TM4SF18: variants seen among roughly 807,000 people sequenced by gnomAD.
The protein encoded by TM4SF18 is transmembrane 4 L six family member 18, also known as transmembrane 4 L6 family member 18.
In TM4SF18, 22 loss-of-function variants were observed where a neutral mutation model predicts 23.8. The observed-to-expected ratio is 0.92, with a 90% CI of 0.66 to 1.32. TM4SF18 has a LOEUF of 1.32. Among genes scored for constraint, TM4SF18 ranks in the 40% most tolerant of loss-of-function variants. The pLI is 0.00. For missense variants in TM4SF18, 255 were observed against 240.3 expected (o/e 1.06, Z -0.41); for synonymous variants, 87 against 87.9 (o/e 0.99, Z 0.06).
At position 149,319,776 on chromosome 3, in the gene TM4SF18, C is replaced by T. The variant is rs2108357896; in HGVS notation, c.*1702G>A. ...CTGAATGTTGGCTTCCTTCTTCATC[C>T]TTTAATCATTTTTTGATGGTAATGG... On this transcript the variant is annotated 3_prime_UTR_variant, in exon 6 of 6. Transcript: ENST00000296059. The T allele has an allele frequency of 6.6e-6, 1 of 152,310 alleles. No homozygotes were observed. Among genetic ancestry groups the T allele is most frequent in the African/African-American group, 2.4e-5 (1 of 41,574 alleles). 9.4% of individuals were successfully genotyped at this position (152,310 alleles called of 1,614,324 possible). A position where few individuals can be genotyped will look rare whatever the true frequency, so the allele number is the denominator to read the frequency against.
At chr3:149,331,110 T>C (rs539079169) in intron 2 of TM4SF18, among the ~76,000 whole-genome samples, 15 of 152,324 alleles carry the variant, frequency 9.8e-5, no homozygotes, top group Admixed American at 9.8e-4. Flanking sequence ...TTAGACTAGA[T>C]ACAGATCATG....
chr3:149,323,121 A>C (rs916292480), intron 4 of TM4SF18, among the ~76,000 whole-genome samples: 4 of 151,938 alleles, frequency 2.6e-5, no homozygotes, highest in Admixed American at 2.0e-4. Context: ...GATGGTCTCG[A>C]TCTCCTGACC....
chr3:149,333,482 CT>C (rs1553772228), intron 1 of TM4SF18, 30 bp downstream of exon 1: 5,285 of 236,706 alleles, frequency 0.022, no homozygotes, highest in South Asian at 0.035. Flanking sequence ...CTCTCTCTCT[CT>C]TTTTTTTTTT....
rs373136081 is a variant in TM4SF18, at chr3:149,331,178, C to A, written c.178-759G>T. Among the ~76,000 whole-genome samples the A allele has an allele frequency of 5.9e-5, 9 of 152,250 alleles. No homozygotes were observed. In the South Asian group the frequency reaches 1.4e-3, roughly 25 times the overall value. Reference sequence around the variant, plus strand: ...TTACTCTCACTATTTAGGACTGAATCCCACAGCTGAGTTCACTGTTATTTT... The same window carrying A: ...TTACTCTCACTATTTAGGACTGAATACCACAGCTGAGTTCACTGTTATTTT... On this transcript the variant is annotated intron_variant, in intron 2 of 5. Transcript: ENST00000296059.
At chr3:149,327,354 GAAGT>G (rs1223581687) in intron 3 of TM4SF18, among the ~76,000 whole-genome samples, 1 of 152,118 alleles carries the variant, frequency 6.6e-6, no homozygotes, top group Non-Finnish European at 1.5e-5. Context: ...ACACAAGCTG[GAAGT>G]AAGAGACCTC....
intron 2 of TM4SF18, among the ~76,000 whole-genome samples, chr3:149,331,782 T>C (rs559541692): frequency 1.2e-3 from 188 of 152,210 alleles, no homozygotes; most frequent in Non-Finnish European, 2.4e-3. Flanking sequence ...CATATGTCTA[T>C]TTGACACAGC....
chr3:149,325,129 T>C lies in TM4SF18; in HGVS notation c.268-107A>G. The C allele has an allele frequency of 9.5e-6, 10 of 1,058,198 alleles. No homozygotes were observed. In the South Asian group the frequency reaches 1.6e-4, roughly 17 times the overall value. The allele number at this position is 1,058,198 out of a possible 1,614,324, so 65.6% of individuals were successfully genotyped here. ...CCCCTATTCACCCAAGCTCATGCAG[T>C]CTATACAATACTAAATGCCCACATA... is the stretch of plus-strand genomic sequence containing the variant. On this transcript the variant is annotated intron_variant, in intron 3 of 5. Coordinates refer to ENST00000296059, the MANE Select transcript of TM4SF18 (RefSeq NM_138786.4).
At chr3:149,324,691 GA>G in intron 4 of TM4SF18, 188 bp downstream of exon 4, 1 of 684,248 alleles carries the variant, frequency 1.5e-6, no homozygotes, top group Non-Finnish European at 2.4e-6. Context: ...AAAGACTGAA[GA>G]AAAAAATCTA....
At chr3:149,322,005 C>T (rs993749619) in intron 5 of TM4SF18, among the ~76,000 whole-genome samples, 1 of 152,164 alleles carries the variant, frequency 6.6e-6, no homozygotes, top group Admixed American at 6.5e-5. Flanking sequence ...TCATTCAAAA[C>T]ACTTATGAAG....
chr3:149,325,301 C>T (rs1351470052), intron 3 of TM4SF18, among the ~76,000 whole-genome samples: 1 of 152,084 alleles, frequency 6.6e-6, no homozygotes, highest in Non-Finnish European at 1.5e-5. Context: ...ATAATGATCT[C>T]CTCTTATGAA....
At position 149,330,358 on chromosome 3, in the gene TM4SF18, T is replaced by C; in HGVS notation, c.239A>G (p.Gln80Arg). Residue 80 changes from glutamine to arginine, a missense_variant, in exon 3 of 6, where the codon CAG (glutamine) becomes CGG (arginine). Gln to Arg is a conservative substitution (Grantham distance 43). Coordinates refer to ENST00000296059, the MANE Select transcript of TM4SF18 (RefSeq NM_138786.4). ...ATATTTTTTGCTGCAGTTTTCACTC[T>C]GGCAACATTTATAGTTGTTATTATT... ...LENNNNYKCC[Q>R]SENCSKKYVT... 2 of 1,612,932 alleles carry C rather than the reference T, an allele frequency of 1.2e-6. No individual in the cohort carries two copies. Among genetic ancestry groups the C allele is most frequent in the Non-Finnish European group, 1.7e-6 (2 of 1,179,226 alleles).
intron 2 of TM4SF18, among the ~76,000 whole-genome samples, chr3:149,332,104 C>T (rs1731098576): frequency 6.6e-6 from 1 of 152,166 alleles, no homozygotes. Flanking sequence ...ATATATTATA[C>T]CAAACTCTTC....
chr3:149,333,357 C>T lies in TM4SF18; in HGVS notation c.26G>A (p.Cys9Tyr). The T allele has an allele frequency of 1.9e-6, 3 of 1,612,826 alleles. No homozygotes were observed. The highest frequency in any genetic ancestry group is 1.1e-5 in the South Asian group (1 of 90,772). Residue 9 changes from cysteine to tyrosine, a missense_variant, in exon 2 of 6, where the codon TGC becomes TAC. Cys to Tyr is a radical substitution (Grantham distance 194). Coordinates refer to ENST00000296059, the MANE Select transcript of TM4SF18 (RefSeq NM_138786.4). ...AAGCGGAATCAGCAAACAACTTAGG[C>T]AGCCTCCACACTTCCGAGACCCCAT... Reference protein sequence around the residue: MGSRKCGGCLSCLLIPLAL... With the variant: MGSRKCGGYLSCLLIPLAL...
chr3:149,325,079 G>A, intron 3 of TM4SF18, 57 bp from the exon 4 acceptor site: 2 of 1,554,712 alleles, frequency 1.3e-6, no homozygotes, highest in East Asian at 2.4e-5. Flanking sequence ...GGGATATTGT[G>A]GATAAATTAT....
intron 3 of TM4SF18, among the ~76,000 whole-genome samples, chr3:149,329,605 A>G (rs2108362498): frequency 6.6e-6 from 1 of 152,358 alleles, no homozygotes; most frequent in East Asian, 1.9e-4. Flanking sequence ...TGAAAGAACT[A>G]TAAAGTGCTA....
In TM4SF18 at chr3:149,321,188, A is replaced by G. The variant is rs1294566972; in HGVS notation, c.*290T>C. On this transcript the variant is annotated 3_prime_UTR_variant, in exon 6 of 6. Transcript: ENST00000296059. ...AATGTTGCAATATACATATTTGCAT[A>G]AAGGTTTCTCTCATATTCTTATTTA... 2 of 274,238 alleles carry G rather than the reference A, an allele frequency of 7.3e-6. No homozygotes were observed. Among genetic ancestry groups the G allele is most frequent in the African/African-American group, 2.2e-5 (1 of 45,968 alleles). The allele number at this position is 274,238 out of a possible 1,614,324, so 17.0% of individuals were successfully genotyped here. A position where few individuals can be genotyped will look rare whatever the true frequency, so the allele number is the denominator to read the frequency against.
chr3:149,321,382 G>A lies in TM4SF18; in HGVS notation c.*96C>T. 2.2e-6 allele frequency: 2 copies of A among 904,732 alleles called. No individual in the cohort carries two copies. Among genetic ancestry groups the A allele is most frequent in the Non-Finnish European group, 3.2e-6 (2 of 617,932 alleles). The allele number at this position is 904,732 out of a possible 1,614,324, so 56.0% of individuals were successfully genotyped here. ...TACAAATAAACACCAAATGCAGAAA[G>A]CACCATCATTTCAATATTGCCCTCA... On this transcript the variant is annotated 3_prime_UTR_variant, in exon 6 of 6. Transcript: ENST00000296059.
rs72992047 is a variant in TM4SF18 at position 149,324,673 on chromosome 3, T to C, written c.410+207A>G. On this transcript the variant is annotated intron_variant, in intron 4 of 5. Transcript: ENST00000296059. ...ACAACCTCAAGACATTGAATGAAAA[T>C]GGCATTAAAAGACTGAAGAAAAAAA... 882 of 585,882 alleles carry C rather than the reference T, an allele frequency of 1.5e-3. 8 individuals carry two copies. The African/African-American group carries it at 0.015, about 10-fold the overall frequency. 36.3% of individuals were successfully genotyped at this position (585,882 alleles called of 1,614,324 possible).
intron 3 of TM4SF18, among the ~76,000 whole-genome samples, chr3:149,327,030 A>T (rs1435615263): frequency 2.6e-5 from 4 of 151,988 alleles, no homozygotes; most frequent in African/African-American, 7.3e-5. Flanking sequence ...GCTCACTGCA[A>T]CCTCCACCTC....
Sources: gnomAD v4.1 joint callset for allele counts (sites outside exome capture counted in the v4.1 genomes callset) on GRCh38, gnomAD v4.1.1 for gene constraint, MANE v1.5 for transcripts, NCBI Gene and HGNC (gene_info 2026-07-23, HGNC 2026-07-21) for gene names.